NDST2: variants seen among roughly 807,000 people sequenced by gnomAD.
NDST2 encodes N-deacetylase and N-sulfotransferase 2.
A neutral mutation model predicts 86.9 loss-of-function variants in NDST2; 32 were observed. That is an observed-to-expected ratio of 0.37 (90% confidence interval 0.28 to 0.49). The LOEUF (loss-of-function observed/expected upper bound fraction) is 0.49. Ranked by LOEUF, NDST2 falls within the 20% of genes least tolerant of loss-of-function variation. The probability of loss-of-function intolerance (pLI) is 0.97; values close to 1 mark genes in which losing one functional copy is unlikely to be tolerated. For missense variants in NDST2, 950 were observed against 1,146.9 expected, an observed-to-expected ratio of 0.83 and a Z score of 2.48; for synonymous variants, 409 against 437.0, an observed-to-expected ratio of 0.94 and a Z score of 0.80.
rs888371663 is a variant in NDST2 at position 73,801,926 on chromosome 10, G to A, written c.*525C>T. The A allele has an allele frequency of 2.2e-6, 1 of 446,450 alleles. No homozygotes were observed. Among genetic ancestry groups the A allele is most frequent in the Non-Finnish European group, 3.8e-6 (1 of 260,566 alleles). The allele number at this position is 446,450 out of a possible 1,614,324, so 27.7% of individuals were successfully genotyped here. ...GAGGCAGACAAAACAGAAAAATAAG[G>A]ATGTTTATTAAGGACATTTCTAGCC... On this transcript the variant is annotated 3_prime_UTR_variant, in exon 15 of 15. Transcript: ENST00000309979. This position sits in a 1 kb window ranked among gnomAD's most constrained non-coding sequence, Gnocchi z 4.9.
chr10:73,807,066 G>T, intron 4 of NDST2, 42 bp downstream of exon 4: 1 of 1,574,096 alleles, frequency 6.4e-7, no homozygotes, highest in Non-Finnish European at 8.7e-7. Context: ...GAAGGGACAG[G>T]TCAAACTATG....
rs761348337 is a variant in NDST2, at chr10:73,808,393, G to A, written c.-5C>T. ...CACCTTCCACAACTGGAGCATGGCG[G>A]GGGGAGGAAGGGAGGGAGGAATGGG... On this transcript the variant is annotated 5_prime_UTR_variant, in exon 3 of 15. Coordinates refer to ENST00000309979, the MANE Select transcript of NDST2 (RefSeq NM_003635.4). The surrounding 1 kb of genome is among the most constrained non-coding windows in gnomAD (Gnocchi z 4.3). 2 of 1,582,010 alleles carry A rather than the reference G, an allele frequency of 1.3e-6. No individual in the cohort carries two copies. Among genetic ancestry groups the A allele is most frequent in the Non-Finnish European group, 8.6e-7 (1 of 1,162,690 alleles).
At chr10:73,805,845 A>G (rs971553937) in intron 7 of NDST2, 55 bp downstream of exon 7, 3 of 1,613,460 alleles carry the variant, frequency 1.9e-6, no homozygotes, top group Non-Finnish European at 1.7e-6. Context: ...TAAAGGTCCC[A>G]GCCTGCAAAC....
intron 2 of NDST2, among the ~76,000 whole-genome samples, chr10:73,809,284 G>A (rs775478588): frequency 6.6e-6 from 1 of 152,202 alleles, no homozygotes. Context: ...CACTATGGTG[G>A]GGGAGTTCAA....
In NDST2 at chr10:73,806,274, T is replaced by C. The variant is rs372792265; in HGVS notation, c.1434+15A>G. The stretch of plus-strand genomic sequence containing the variant: ...TGTTAGAGTTTGATTCAAGCCTGTA[T>C]TGGGAGTCCCTCACCATAATGCCAT... On this transcript the variant is annotated intron_variant, in intron 6 of 14. Coordinates refer to ENST00000309979, the MANE Select transcript of NDST2 (RefSeq NM_003635.4). This position sits in a 1 kb window ranked among gnomAD's most constrained non-coding sequence, Gnocchi z 4.5. 59 of 1,613,086 alleles carry C rather than the reference T, an allele frequency of 3.7e-5. No homozygotes were observed. Among genetic ancestry groups the C allele is most frequent in the Admixed American group, 1.2e-4 (7 of 60,000 alleles).
Position 73,802,416 on chromosome 10 carries a change from CAG to C in NDST2, c.*33_*34del. On this transcript the variant is annotated 3_prime_UTR_variant, in exon 15 of 15. Coordinates refer to ENST00000309979, the MANE Select transcript of NDST2 (RefSeq NM_003635.4). ...GCTCTGGACCTGCCCCTTAGGGAAG[CAG>C]GGGGCATTTTGCTGGTATGGGAGGC... 1.9e-6 allele frequency: 3 copies of C among 1,611,262 alleles called. No homozygotes were observed. Among genetic ancestry groups the C allele is most frequent in the South Asian group, 2.2e-5 (2 of 90,940 alleles).
At position 73,803,680 on chromosome 10, in the gene NDST2, T is replaced by C; in HGVS notation, c.2036A>G (p.Tyr679Cys). The stretch of plus-strand genomic sequence containing the variant: ...CCGTGGTACAACTTCAGAGTCAAAG[T>C]AGGTGGCACTTTTTTCAAATAGGAA... ...TDFLFEKSAT[Y>C]FDSEVVPRRG... Residue 679 changes from tyrosine (Y) to cysteine (C), a missense_variant, in exon 11 of 15, where the codon TAC becomes TGC. Around this residue, in one of 5 missense-constraint regions of NDST2, gnomAD observed 303 missense variants for 323.7 expected, o/e 0.94. Coordinates refer to ENST00000309979, the MANE Select transcript of NDST2 (RefSeq NM_003635.4). 6.2e-7 allele frequency: 1 copy of C among 1,613,988 alleles called. No individual in the cohort carries two copies. Among genetic ancestry groups the C allele is most frequent in the Non-Finnish European group, 8.5e-7 (1 of 1,179,980 alleles).
intron 2 of NDST2, among the ~76,000 whole-genome samples, chr10:73,809,405 C>T (rs1181557870): frequency 6.6e-6 from 1 of 152,210 alleles, no homozygotes; most frequent in Non-Finnish European, 1.5e-5. Context: ...CTGACCTTCA[C>T]CTCAACTTTG....
chr10:73,804,761 A>C lies in NDST2; in HGVS notation c.1843+12T>G, dbSNP rs149353198. 24 of 1,588,612 alleles carry C rather than the reference A, an allele frequency of 1.5e-5. No homozygotes were observed. In the African/African-American group the frequency reaches 2.7e-4, roughly 18 times the overall value. Reference sequence around the variant, plus strand: ...AAGGCAGGGCAAGAGAAGTTAGCTAAGGATACTTCACCTGTTTTCTGGGGT... The same window carrying C: ...AAGGCAGGGCAAGAGAAGTTAGCTACGGATACTTCACCTGTTTTCTGGGGT... On this transcript the variant is annotated intron_variant, in intron 9 of 14. Coordinates refer to ENST00000309979, the MANE Select transcript of NDST2 (RefSeq NM_003635.4).
chr10:73,810,630 G>C, intron 2 of NDST2, 169 bp downstream of exon 2: 1 of 390,468 alleles, frequency 2.6e-6, no homozygotes, highest in Non-Finnish European at 4.5e-6. Context: ...CTGACGGGAA[G>C]TTGATACTCA....
chr10:73,807,088 G>C lies in NDST2; in HGVS notation c.1093+20C>G, dbSNP rs753290942. 7.5e-6 allele frequency: 12 copies of C among 1,605,198 alleles called. No individual in the cohort carries two copies. The Middle Eastern group carries it at 5.0e-4, about 66-fold the overall frequency. On this transcript the variant is annotated intron_variant, in intron 4 of 14. Coordinates refer to ENST00000309979, the MANE Select transcript of NDST2 (RefSeq NM_003635.4). ...CAGGTCAAACTATGATATGCCAAAG[G>C]AGTAGGGGTATAAGCTCACCAGTAT... is the stretch of plus-strand genomic sequence containing the variant.
In NDST2 at chr10:73,807,884, T is replaced by C. The variant is rs1290151984; in HGVS notation, c.505A>G (p.Ile169Val). 3.7e-6 allele frequency: 6 copies of C among 1,613,892 alleles called. No homozygotes were observed. Among genetic ancestry groups the C allele is most frequent in the East Asian group, 2.2e-5 (1 of 44,854 alleles). The change falls in exon 3 of 15, where the codon ATT (isoleucine) becomes GTT (valine). Residue 169 changes from isoleucine (I) to valine (V), a missense_variant. Physicochemically the swap from Ile to Val is conservative, Grantham distance 29. Coordinates refer to ENST00000309979, the MANE Select transcript of NDST2 (RefSeq NM_003635.4). ...RYCVEYGVGIIGFFRAHEHSL... is the reference protein window; with the variant it reads ...RYCVEYGVGIVGFFRAHEHSL... ...TGCTCGTGGGCTCGGAAAAAGCCAA[T>C]GATGCCCACACCATACTCCACGCAG...
Position 73,802,654 on chromosome 10 carries a change from C to T in NDST2, c.2526+20G>A. 1 of 1,614,122 alleles carries T rather than the reference C, an allele frequency of 6.2e-7. No individual in the cohort carries two copies. Among genetic ancestry groups the T allele is most frequent in the Non-Finnish European group, 8.5e-7 (1 of 1,179,948 alleles). On this transcript the variant is annotated intron_variant, in intron 14 of 14. Transcript: ENST00000309979. ...ATCCTGGAAGTGGAGAGGGATTCCC[C>T]TGCCCCTGGCTTTACTTACCTCAGT...
At chr10:73,803,517 T>TGGGGGGGGGGGGGGGGGGGGGGGGGGG in intron 11 of NDST2, 57 bp downstream of exon 11, 19 of 1,189,244 alleles carry the variant, frequency 1.6e-5, no homozygotes, top group Admixed American at 3.6e-5. Context: ...TAGCAGTCAC[T>TGGGGGGGGGGGGGGGGGGGGGGGGGGG]GTCCCCTCCC....
intron 7 of NDST2, 41 bp from the exon 8 acceptor site, chr10:73,805,810 C>A: frequency 1.2e-6 from 2 of 1,613,310 alleles, no homozygotes; most frequent in Non-Finnish European, 1.7e-6. Flanking sequence ...AGAGCCTACC[C>A]CACCTCTGAA....
At position 73,805,676 on chromosome 10, in the gene NDST2, T is replaced by A. The variant is rs146252593; in HGVS notation, c.1657A>T (p.Thr553Ser). Residue 553 changes from threonine to serine, a missense_variant, in exon 8 of 15, where the codon ACA (threonine) becomes TCA (serine). Coordinates refer to ENST00000309979, the MANE Select transcript of NDST2 (RefSeq NM_003635.4). ...GGAAGGGTCTGTAGGCGCAGCCGTG[T>A]CCAACACTGGAGGAAGCGCACCAAG... ...ESLVRFLQCW[T>S]RLRLQTLPPV... 12 of 1,614,202 alleles carry A rather than the reference T, an allele frequency of 7.4e-6. No individual in the cohort carries two copies. In the East Asian group the frequency reaches 2.7e-4, roughly 36 times the overall value.
In NDST2 at chr10:73,806,077, G is replaced by A. The variant is rs2084097370; in HGVS notation, c.1435-49C>T. The A allele has an allele frequency of 6.2e-7, 1 of 1,603,316 alleles. No individual in the cohort carries two copies. Among genetic ancestry groups the A allele is most frequent in the Non-Finnish European group, 8.5e-7 (1 of 1,173,934 alleles). ...TGAGATTTGAAAGATAGAATGAGAA[G>A]TAGATGGAGGACACTGGGATTTATA... On this transcript the variant is annotated intron_variant, in intron 6 of 14. Coordinates refer to ENST00000309979, the MANE Select transcript of NDST2 (RefSeq NM_003635.4). This position sits in a 1 kb window ranked among gnomAD's most constrained non-coding sequence, Gnocchi z 4.5.
rs750052184 is a variant in NDST2 at position 73,807,096 on chromosome 10, G to T, written c.1093+12C>A. ...ACTATGATATGCCAAAGGAGTAGGG[G>T]TATAAGCTCACCAGTATGATAGAAC... On this transcript the variant is annotated intron_variant, in intron 4 of 14. Transcript: ENST00000309979. The T allele has an allele frequency of 2.5e-6, 4 of 1,610,212 alleles. No individual in the cohort carries two copies. The East Asian group carries it at 8.9e-5, about 36-fold the overall frequency.
In NDST2 at chr10:73,808,032, AG is replaced by A; in HGVS notation, c.356del (p.Pro119LeufsTer9). 6.2e-7 allele frequency: 1 copy of A among 1,614,134 alleles called. No homozygotes were observed. The highest frequency in any genetic ancestry group is 1.1e-5 in the South Asian group (1 of 91,082). ...TCAATGTGGGCATGTCCCCTCGGCCAGGTGCCAACTCAGTGCTATAACGAAA... is the reference window on the plus strand; with the variant it reads ...TCAATGTGGGCATGTCCCCTCGGCCAGTGCCAACTCAGTGCTATAACGAAA... The part of the protein sequence containing the change: ...SRFRYSTELA[P>X]GRGDMPTLTD... On this transcript the variant is annotated frameshift_variant, in exon 3 of 15. Coordinates refer to ENST00000309979, the MANE Select transcript of NDST2 (RefSeq NM_003635.4). LOFTEE classifies it high-confidence loss of function. This position sits in a 1 kb window ranked among gnomAD's most constrained non-coding sequence, Gnocchi z 4.3.
Sources: gnomAD v4.1 joint callset for allele counts (sites outside exome capture counted in the v4.1 genomes callset) on GRCh38, gnomAD v4.1.1 for gene constraint, gnomAD v4.1.1 regional missense constraint, Gnocchi (gnomAD v3.1) non-coding constraint, MANE v1.5 for transcripts, NCBI Gene and HGNC (gene_info 2026-07-23, HGNC 2026-07-21) for gene names.